The following ZNF160 variants were observed in gnomAD, a reference collection of about 807,000 sequenced individuals.
ZNF160 encodes zinc finger protein 160, also known as KRAB zinc finger protein KR18.
A neutral mutation model predicts 13.1 loss-of-function variants in ZNF160; 9 were observed. That is an observed-to-expected ratio of 0.69 (90% confidence interval 0.41 to 1.20). ZNF160 has a LOEUF of 1.20. ZNF160 is among the 50% of genes most tolerant of loss of function. ZNF160 has a pLI of 0.01. For missense variants in ZNF160, 838 were observed against 988.0 expected (o/e 0.85, Z 2.04); for synonymous variants, 293 against 333.2 (o/e 0.88, Z 1.31).
At chr19:53,088,676 A>G (rs908000862) in intron 2 of ZNF160, among the ~76,000 whole-genome samples, 1 of 152,190 alleles carries the variant, frequency 6.6e-6, no homozygotes, top group African/African-American at 2.4e-5. Flanking sequence ...AGGCTTTATC[A>G]TGCATTGGAG....
chr19:53,090,147 CCTT>C (rs1211847920), intron 2 of ZNF160, among the ~76,000 whole-genome samples: 5 of 151,986 alleles, frequency 3.3e-5, no homozygotes, highest in Non-Finnish European at 4.4e-5. Context: ...CCTCTGCTCT[CCTT>C]GTCACCAGCT....
chr19:53,087,905 T>G (rs937128233), intron 2 of ZNF160, among the ~76,000 whole-genome samples: 1 of 152,142 alleles, frequency 6.6e-6, no homozygotes, highest in African/African-American at 2.4e-5. Context: ...GACATCCCTG[T>G]AGAGAGTTTT....
intron 1 of ZNF160, among the ~76,000 whole-genome samples, chr19:53,093,154 G>A (rs557677426): frequency 6.6e-6 from 1 of 152,268 alleles, no homozygotes; most frequent in South Asian, 2.1e-4. Context: ...GATATTTCTG[G>A]CCGGGCACGG....
In ZNF160 at chr19:53,069,647, A is replaced by T; in HGVS notation, c.887T>A (p.Val296Asp). 6.2e-7 allele frequency: 1 copy of T among 1,613,844 alleles called. No homozygotes were observed. The highest frequency in any genetic ancestry group is 8.5e-7 in the Non-Finnish European group (1 of 1,179,792). ...KCSECGKTFT[V>D]RSNLTIHQVI... ...CTGATGAATAGTTAGATTTGAACGA[A>T]CAGTAAAGGTTTTGCCGCACTCACT... The change falls in exon 6 of 6, where the codon GTT becomes GAT. Residue 296 changes from valine to aspartate, a missense_variant. Physicochemically the swap from Val to Asp is radical, Grantham distance 152 (BLOSUM62 -3). Transcript: ENST00000683776. The surrounding 1 kb of genome is among the most constrained non-coding windows in gnomAD (Gnocchi z 4.4).
chr19:53,101,875 A>G (rs1311392625), intron 1 of ZNF160, among the ~76,000 whole-genome samples: 1 of 152,178 alleles, frequency 6.6e-6, no homozygotes, highest in Admixed American at 6.5e-5. Context: ...TAGAATTTAA[A>G]CAATTAGATT....
chr19:53,072,318 TC>T (rs2084211140), intron 5 of ZNF160, among the ~76,000 whole-genome samples: 1 of 152,132 alleles, frequency 6.6e-6, no homozygotes, highest in African/African-American at 2.4e-5. Context: ...GTCGGGCCGG[TC>T]TCGAACTCCT....
At chr19:53,084,194 G>T (rs779482864) in intron 3 of ZNF160, among the ~76,000 whole-genome samples, 11 of 152,132 alleles carry the variant, frequency 7.2e-5, no homozygotes, top group Non-Finnish European at 1.5e-4. Context: ...GCCCACGAAG[G>T]CACCAGTGGC....
At chr19:53,071,479 G>C (rs2084172476) in intron 5 of ZNF160, among the ~76,000 whole-genome samples, 2 of 149,208 alleles carry the variant, frequency 1.3e-5, no homozygotes, top group Non-Finnish European at 3.0e-5. Context: ...TTGAACTCAG[G>C]AGGTGAGGTT....
intron 1 of ZNF160, among the ~76,000 whole-genome samples, chr19:53,094,566 C>T (rs1272869507): frequency 1.3e-5 from 2 of 152,134 alleles, no homozygotes; most frequent in Non-Finnish European, 2.9e-5. Context: ...CCTGTCTCCA[C>T]CTGCAAACAA....
In ZNF160 at chr19:53,069,633, T is replaced by C. The variant is rs375230703; in HGVS notation, c.901A>G (p.Thr301Ala). 9.3e-6 allele frequency: 15 copies of C among 1,613,566 alleles called. No homozygotes were observed. Among genetic ancestry groups the C allele is most frequent in the Admixed American group, 5.0e-5 (3 of 59,980 alleles). Residue 301 changes from threonine to alanine, a missense_variant, in exon 6 of 6, where the codon ACT (threonine) becomes GCT (alanine). Physicochemically the swap from Thr to Ala is moderately conservative, Grantham distance 58. Coordinates refer to ENST00000683776, the MANE Select transcript of ZNF160 (RefSeq NM_001322131.2). This position sits in a 1 kb window ranked among gnomAD's most constrained non-coding sequence, Gnocchi z 4.4. The stretch of plus-strand genomic sequence containing the variant: ...CCAGTATGGATGACCTGATGAATAG[T>C]TAGATTTGAACGAACAGTAAAGGTT... ...GKTFTVRSNL[T>A]IHQVIHTGEK...
At position 53,068,255 on chromosome 19, in the gene ZNF160, G is replaced by A; in HGVS notation, c.2279C>T (p.Pro760Leu). ...NHRRIHTGEK[P>L]YRCTECGKAF... is the part of the protein sequence containing the mutation. ...TTTCCCACACTCTGTACACCTGTAAGGTTTCTCCCCAGTATGAATTCTTCG... is the reference window on the plus strand; with the variant it reads ...TTTCCCACACTCTGTACACCTGTAAAGTTTCTCCCCAGTATGAATTCTTCG... Residue 760 changes from proline (P) to leucine (L), a missense_variant, in exon 6 of 6, where the codon CCT (proline) becomes CTT (leucine). Coordinates refer to ENST00000683776, the MANE Select transcript of ZNF160 (RefSeq NM_001322131.2). 6.2e-7 allele frequency: 1 copy of A among 1,614,104 alleles called. No individual in the cohort carries two copies. Among genetic ancestry groups the A allele is most frequent in the South Asian group, 1.1e-5 (1 of 91,082 alleles).
At chr19:53,086,357 C>G in intron 2 of ZNF160, 36 bp from the exon 3 acceptor site, 1 of 1,517,426 alleles carries the variant, frequency 6.6e-7, no homozygotes, top group Non-Finnish European at 8.8e-7. Flanking sequence ...GAAGTCAATA[C>G]TGAATATCCA....
chr19:53,096,962 C>T (rs2085261886), intron 1 of ZNF160, among the ~76,000 whole-genome samples: 1 of 96,230 alleles, frequency 1.0e-5, no homozygotes, highest in Non-Finnish European at 2.1e-5. Context: ...TGGGGATGAA[C>T]ACAGCTCTTC....
intron 1 of ZNF160, among the ~76,000 whole-genome samples, chr19:53,100,733 G>A (rs1478539127): frequency 6.6e-6 from 1 of 152,106 alleles, no homozygotes; most frequent in East Asian, 1.9e-4. Context: ...AGTGGCTCAC[G>A]CCTGTAATCC....
chr19:53,083,324 T>C (rs760671826), intron 3 of ZNF160, among the ~76,000 whole-genome samples: 1 of 152,160 alleles, frequency 6.6e-6, no homozygotes, highest in Non-Finnish European at 1.5e-5. Flanking sequence ...CTGAAGCTTG[T>C]TGGAGGCTGC....
chr19:53,075,984 G>C, intron 3 of ZNF160: 1 of 275,128 alleles, frequency 3.6e-6, no homozygotes. Context: ...ACACCCATTT[G>C]GTGTCTGTTG....
intron 4 of ZNF160, 138 bp from the exon 5 acceptor site, chr19:53,074,406 G>A: frequency 7.2e-7 from 1 of 1,393,164 alleles, no homozygotes; most frequent in East Asian, 2.6e-5. Flanking sequence ...GGTGGCTCAT[G>A]CCTGTAATCC....
At chr19:53,070,315 A>C (rs1568476380) in intron 5 of ZNF160, 53 bp from the exon 6 acceptor site, 2 of 1,432,760 alleles carry the variant, frequency 1.4e-6, no homozygotes, top group East Asian at 2.4e-5. Context: ...TATAGAAATA[A>C]ATATTTTACA....
intron 1 of ZNF160, among the ~76,000 whole-genome samples, chr19:53,098,520 G>C (rs115954730): frequency 0.011 from 1,705 of 151,750 alleles, 24 homozygotes; most frequent in African/African-American, 0.039. Context: ...TTTAAAGGCA[G>C]GTGAAGATTG....
Sources: gnomAD v4.1 joint callset for allele counts (sites outside exome capture counted in the v4.1 genomes callset) on GRCh38, gnomAD v4.1.1 for gene constraint, Gnocchi (gnomAD v3.1) non-coding constraint, MANE v1.5 for transcripts, NCBI Gene and HGNC (gene_info 2026-07-23, HGNC 2026-07-21) for gene names.